MRGBP: variants seen among roughly 807,000 people sequenced by gnomAD.
MRGBP encodes MRG/MORF4L-binding protein.
MRGBP carries 5 observed loss-of-function variants against 21.5 expected under a neutral mutation model. That is an observed-to-expected ratio of 0.23 (90% CI 0.12 to 0.49). The LOEUF is 0.49. Among genes scored for constraint, MRGBP ranks in the 20% least tolerant of loss-of-function variants. The pLI, the probability that MRGBP is intolerant of heterozygous loss-of-function variation, is 0.98. For synonymous variants in MRGBP, 118 were observed against 104.4 expected (o/e 1.13, Z -0.79); for missense variants, 227 against 277.4 (o/e 0.82, Z 1.29).
At position 62,801,672 on chromosome 20, in the gene MRGBP, C is replaced by G. The variant is rs1287140745; in HGVS notation, c.*2029C>G. On this transcript the variant is annotated 3_prime_UTR_variant, in exon 5 of 5. Coordinates refer to ENST00000370487, the MANE Select transcript of MRGBP (RefSeq NM_018270.6). ...CCTAAACCTCCATCTGAAACCGCAT[C>G]TCGGGTGACCTCAGATTGTGCTAGG... 1 of 152,282 alleles carries G rather than the reference C, an allele frequency of 6.6e-6. No homozygotes were observed. Among genetic ancestry groups the G allele is most frequent in the East Asian group, 1.9e-4 (1 of 5,202 alleles). 9.4% of individuals were successfully genotyped at this position (152,282 alleles called of 1,614,324 possible).
At chr20:62,799,147 G>T (rs1329999807) in intron 4 of MRGBP, 98 bp downstream of exon 4, 1 of 1,299,394 alleles carries the variant, frequency 7.7e-7, no homozygotes, top group African/African-American at 1.5e-5. Flanking sequence ...AGAGCCTGCG[G>T]TGCAGAGGCC....
Position 62,799,783 on chromosome 20 carries a change from T to C in MRGBP, c.*140T>C, listed in dbSNP as rs1185869752. Reference sequence around the variant, plus strand: ...GCCCACACTGCCCGCCCTCAGGCTCTCAGGTGAACGTGGCCGTCAGCGGGG... The same window carrying C: ...GCCCACACTGCCCGCCCTCAGGCTCCCAGGTGAACGTGGCCGTCAGCGGGG... On this transcript the variant is annotated 3_prime_UTR_variant, in exon 5 of 5. Transcript: ENST00000370487. 12 of 947,578 alleles carry C rather than the reference T, an allele frequency of 1.3e-5. No homozygotes were observed. Among genetic ancestry groups the C allele is most frequent in the Non-Finnish European group, 1.8e-5 (12 of 653,866 alleles). 58.7% of individuals were successfully genotyped at this position (947,578 alleles called of 1,614,324 possible).
At chr20:62,798,714 C>A (rs566920623) in intron 3 of MRGBP, 46 bp downstream of exon 3, 1 of 1,603,778 alleles carries the variant, frequency 6.2e-7, no homozygotes, top group African/African-American at 1.3e-5. Flanking sequence ...AAAGGCCAGA[C>A]CCTGGCCAAG....
At position 62,800,398 on chromosome 20, in the gene MRGBP, T is replaced by C. The variant is rs1405489246; in HGVS notation, c.*755T>C. On this transcript the variant is annotated 3_prime_UTR_variant, in exon 5 of 5. Coordinates refer to ENST00000370487, the MANE Select transcript of MRGBP (RefSeq NM_018270.6). ...AGATGTTTTGCTTTAAGAGATACTT[T>C]TTGCTCAGTTTTTATATGCCAGATA... 1 of 152,584 alleles carries C rather than the reference T, an allele frequency of 6.6e-6. No homozygotes were observed. Among genetic ancestry groups the C allele is most frequent in the Non-Finnish European group, 1.5e-5 (1 of 68,052 alleles). 9.5% of individuals were successfully genotyped at this position (152,584 alleles called of 1,614,324 possible).
In MRGBP at chr20:62,799,045, C is replaced by T. The variant is rs373479057; in HGVS notation, c.423C>T (p.Asp141=). 31 of 1,610,786 alleles carry T rather than the reference C, an allele frequency of 1.9e-5. No homozygotes were observed. The Middle Eastern group carries it at 2.1e-3, about 111-fold the overall frequency. ...KEDVDPHNGA[D]DVFSSSGSLG... ...ACGTGGACCCCCACAATGGGGCTGA[C>T]GATGGTGAGTGTGGAGCTCACCCTG... Residue 141 remains aspartate, a synonymous_variant, in exon 4 of 5, where the codon GAC becomes GAT. Coordinates refer to ENST00000370487, the MANE Select transcript of MRGBP (RefSeq NM_018270.6).
intron 2 of MRGBP, among the ~76,000 whole-genome samples, chr20:62,798,044 G>T (rs573643425): frequency 1.6e-4 from 24 of 152,140 alleles, no homozygotes; most frequent in Non-Finnish European, 3.4e-4. Flanking sequence ...TGGTCTGTGC[G>T]ACCTCAGGAG....
chr20:62,797,390 C>T (rs1346394173), intron 2 of MRGBP, among the ~76,000 whole-genome samples, 159 bp downstream of exon 2: 2 of 151,962 alleles, frequency 1.3e-5, no homozygotes, highest in Non-Finnish European at 2.9e-5. Context: ...CTGCAGTGAG[C>T]TCTCAGGGTC....
rs1990337458 is a variant in MRGBP, at chr20:62,796,523, C to T, written c.-1C>T. On this transcript the variant is annotated 5_prime_UTR_variant, in exon 1 of 5. Coordinates refer to ENST00000370487, the MANE Select transcript of MRGBP (RefSeq NM_018270.6). ...GCTCCTTGCTCGGCCGGGCCGCGGC[C>T]ATGGGAGAGGCCGAGGTGGGCGGCG... is the stretch of plus-strand genomic sequence containing the variant. 3.5e-6 allele frequency: 4 copies of T among 1,157,256 alleles called. No individual in the cohort carries two copies. The highest frequency in any genetic ancestry group is 4.3e-6 in the Non-Finnish European group (4 of 939,338). 71.7% of individuals were successfully genotyped at this position (1,157,256 alleles called of 1,614,324 possible).
At chr20:62,796,780 G>A in intron 1 of MRGBP, 109 bp downstream of exon 1, 1 of 1,089,102 alleles carries the variant, frequency 9.2e-7, no homozygotes, top group South Asian at 4.5e-5. Flanking sequence ...GCCGAGCCCG[G>A]GCCGTGACAC....
In MRGBP at chr20:62,796,506, C is replaced by T. The variant is rs2147173605; in HGVS notation, c.-18C>T. The T allele has an allele frequency of 3.5e-6, 4 of 1,135,754 alleles. No individual in the cohort carries two copies. Among genetic ancestry groups the T allele is most frequent in the East Asian group, 4.4e-5 (1 of 22,528 alleles). 70.4% of individuals were successfully genotyped at this position (1,135,754 alleles called of 1,614,324 possible). A position where few individuals can be genotyped will look rare whatever the true frequency, so the allele number is the denominator to read the frequency against. Reference sequence around the variant, plus strand: ...GCCTGCTCCCGCCGGGGGCTCCTTGCTCGGCCGGGCCGCGGCCATGGGAGA... The same window carrying T: ...GCCTGCTCCCGCCGGGGGCTCCTTGTTCGGCCGGGCCGCGGCCATGGGAGA... On this transcript the variant is annotated 5_prime_UTR_variant, in exon 1 of 5. Coordinates refer to ENST00000370487, the MANE Select transcript of MRGBP (RefSeq NM_018270.6).
intron 4 of MRGBP, 140 bp downstream of exon 4, chr20:62,799,189 C>A: frequency 1.1e-6 from 1 of 904,298 alleles, no homozygotes; most frequent in Non-Finnish European, 1.7e-6. Flanking sequence ...AGGATGGATC[C>A]TGCAGTGCCC....
At chr20:62,798,386 T>G (rs777179562) in intron 2 of MRGBP, among the ~76,000 whole-genome samples, 5 of 152,210 alleles carry the variant, frequency 3.3e-5, no homozygotes, top group Non-Finnish European at 5.9e-5. Context: ...TCCCTGGGTC[T>G]GTCTGGAAAG....
In MRGBP at chr20:62,799,793, G is replaced by A. The variant is rs906216104; in HGVS notation, c.*150G>A. ...CCCGCCCTCAGGCTCTCAGGTGAAC[G>A]TGGCCGTCAGCGGGGAAACGTGTGT... On this transcript the variant is annotated 3_prime_UTR_variant, in exon 5 of 5. Transcript: ENST00000370487. 1.8e-5 allele frequency: 15 copies of A among 837,436 alleles called. No individual in the cohort carries two copies. In the East Asian group the frequency reaches 2.7e-4, roughly 15 times the overall value. 51.9% of individuals were successfully genotyped at this position (837,436 alleles called of 1,614,324 possible).
Position 62,798,631 on chromosome 20 carries a change from C to T in MRGBP, c.315C>T (p.Phe105=), listed in dbSNP as rs766780072. ...CATTCCCGAATCCAGAGAGGAACTT[C>T]GTCCTTCCAGAAGAGATCATTCAGG... The part of the protein sequence containing the change: ...ILPFPNPERN[F]VLPEEIIQEV... Residue 105 remains phenylalanine, a synonymous_variant, in exon 3 of 5, where the codon TTC becomes TTT. Coordinates refer to ENST00000370487, the MANE Select transcript of MRGBP (RefSeq NM_018270.6). 3.1e-6 allele frequency: 5 copies of T among 1,613,698 alleles called. No homozygotes were observed. The highest frequency in any genetic ancestry group is 2.2e-5 in the East Asian group (1 of 44,892).
Position 62,800,972 on chromosome 20 carries a change from G to C in MRGBP, c.*1329G>C, listed in dbSNP as rs1402615613. 1 of 152,172 alleles carries C rather than the reference G, an allele frequency of 6.6e-6. No individual in the cohort carries two copies. The allele number at this position is 152,172 out of a possible 1,614,324, so 9.4% of individuals were successfully genotyped here. A position where few individuals can be genotyped will look rare whatever the true frequency, so the allele number is the denominator to read the frequency against. ...CAGCCATCGCACCCCAATGTCTTCA[G>C]CTTGACGTTGCTTCTCTGCCAGTGG... On this transcript the variant is annotated 3_prime_UTR_variant, in exon 5 of 5. Transcript: ENST00000370487.
In MRGBP at chr20:62,798,679, G is replaced by A. The variant is rs1456386752; in HGVS notation, c.352+11G>A. ...AGGAGGTCCGAGAAGGTGAGGCTCG[G>A]GAAAGGTTGGGCTTGGGATTCAGAA... On this transcript the variant is annotated intron_variant, in intron 3 of 4. Transcript: ENST00000370487. 7 of 1,613,370 alleles carry A rather than the reference G, an allele frequency of 4.3e-6. No individual in the cohort carries two copies. Among genetic ancestry groups the A allele is most frequent in the Non-Finnish European group, 5.9e-6 (7 of 1,179,604 alleles).
At chr20:62,797,363 T>A (rs1026395387) in intron 2 of MRGBP, 132 bp downstream of exon 2, 46 of 1,234,578 alleles carry the variant, frequency 3.7e-5, no homozygotes, top group Non-Finnish European at 4.6e-5. Flanking sequence ...TAGAGGCCCC[T>A]CCATGCCTGC....
Position 62,800,831 on chromosome 20 carries a change from A to G in MRGBP, c.*1188A>G, listed in dbSNP as rs1275458310. The G allele has an allele frequency of 6.6e-6, 1 of 152,236 alleles. No homozygotes were observed. The highest frequency in any genetic ancestry group is 1.5e-5 in the Non-Finnish European group (1 of 68,040). The allele number at this position is 152,236 out of a possible 1,614,324, so 9.4% of individuals were successfully genotyped here. On this transcript the variant is annotated 3_prime_UTR_variant, in exon 5 of 5. Transcript: ENST00000370487. ...CGGTGCGGGCCCTCGTAGGTCAGGCAGGCACCAGTGGGCTCCTTCCTGCTG... is the reference window on the plus strand; with the variant it reads ...CGGTGCGGGCCCTCGTAGGTCAGGCGGGCACCAGTGGGCTCCTTCCTGCTG...
rs529714756 is a variant in MRGBP, at chr20:62,800,327, A to G, written c.*684A>G. 1 of 152,730 alleles carries G rather than the reference A, an allele frequency of 6.5e-6. No homozygotes were observed. The highest frequency in any genetic ancestry group is 2.4e-5 in the African/African-American group (1 of 41,586). 9.5% of individuals were successfully genotyped at this position (152,730 alleles called of 1,614,324 possible). A position where few individuals can be genotyped will look rare whatever the true frequency, so the allele number is the denominator to read the frequency against. On this transcript the variant is annotated 3_prime_UTR_variant, in exon 5 of 5. Coordinates refer to ENST00000370487, the MANE Select transcript of MRGBP (RefSeq NM_018270.6). ...GAAGCCTATTTTACTAGTGTTTTATATGAACAAAGTACTGCAGAAGTTAAA... is the reference window on the plus strand; with the variant it reads ...GAAGCCTATTTTACTAGTGTTTTATGTGAACAAAGTACTGCAGAAGTTAAA...
Sources: gnomAD v4.1 joint callset for allele counts (sites outside exome capture counted in the v4.1 genomes callset) on GRCh38, gnomAD v4.1.1 for gene constraint, MANE v1.5 for transcripts, NCBI Gene and HGNC (gene_info 2026-07-23, HGNC 2026-07-21) for gene names.